Variants in STOX2 observed in about 807,000 individuals in gnomAD.
The protein encoded by STOX2 is storkhead-box protein 2.
STOX2 carries 28 observed loss-of-function variants against 60.9 expected under a neutral mutation model. The observed-to-expected ratio is 0.46, with a 90% CI of 0.34 to 0.63. The LOEUF (loss-of-function observed/expected upper bound fraction) is 0.63. Among genes scored for constraint, STOX2 ranks in the 30% least tolerant of loss-of-function variants. The pLI is 0.01. For synonymous variants in STOX2, 472 were observed against 463.9 expected (o/e 1.02, Z -0.22); for missense variants, 1,024 against 1,187.7 (o/e 0.86, Z 2.03).
In STOX2 at chr4:184,020,254, C is replaced by T. The variant is rs1734531496; in HGVS notation, c.*2970C>T. On this transcript the variant is annotated 3_prime_UTR_variant, in exon 4 of 4. Coordinates refer to ENST00000308497, the MANE Select transcript of STOX2 (RefSeq NM_020225.3). ...CATGACTTTCCATCGCCATGGCTTT[C>T]TCTTACGCCGCTGTTTGGCTTTCAG... The T allele has an allele frequency of 6.6e-6, 1 of 152,112 alleles. No individual in the cohort carries two copies. Among genetic ancestry groups the T allele is most frequent in the Non-Finnish European group, 1.5e-5 (1 of 68,028 alleles). The allele number at this position is 152,112 out of a possible 1,614,324, so 9.4% of individuals were successfully genotyped here. A position where few individuals can be genotyped will look rare whatever the true frequency, so the allele number is the denominator to read the frequency against.
intron 1 of STOX2, among the ~76,000 whole-genome samples, chr4:183,898,204 G>T (rs1021125983): frequency 6.6e-6 from 1 of 152,138 alleles, no homozygotes; most frequent in Non-Finnish European, 1.5e-5. Context: ...GGGCCTTCAG[G>T]AGATAGGAAG....
chr4:183,967,739 GT>G (rs1743620431), intron 1 of STOX2, among the ~76,000 whole-genome samples: 1 of 152,212 alleles, frequency 6.6e-6, no homozygotes, highest in Non-Finnish European at 1.5e-5. Context: ...ATAATCCTGT[GT>G]TGGATTAAAA....
At chr4:184,003,224 T>C (rs142716659) in intron 2 of STOX2, among the ~76,000 whole-genome samples, 2 of 152,346 alleles carry the variant, frequency 1.3e-5, no homozygotes, top group African/African-American at 4.8e-5. Context: ...TTTATTTTTA[T>C]ATAGCTTCAT....
chr4:183,896,893 G>A (rs1341275448), intron 1 of STOX2, among the ~76,000 whole-genome samples: 2 of 152,118 alleles, frequency 1.3e-5, no homozygotes, highest in African/African-American at 2.4e-5. Flanking sequence ...TTTGAATACA[G>A]CGATGTTAGT....
At position 183,806,829 on chromosome 4, in the gene STOX2, A is replaced by AGG. The variant is rs111575055; in HGVS notation, c.364+8776_364+8777dup. Among the ~76,000 whole-genome samples, 1,479 of 152,298 alleles carry AGG rather than the reference A, an allele frequency of 9.7e-3. 32 individuals carry two copies. Among genetic ancestry groups the AGG allele is most frequent in the African/African-American group, 0.034 (1,394 of 41,560 alleles). On this transcript the variant is annotated intron_variant, in intron 1 of 2. Transcript: ENST00000513034. The surrounding 1 kb of genome is among the most constrained non-coding windows in gnomAD (Gnocchi z 4.1). The stretch of plus-strand genomic sequence containing the variant: ...TTTATGTGTTCGTGTTCAGGACGGT[A>AGG]GGGCCCAGGACATGCCCTTGTAAGG...
chr4:183,866,610 T>A (rs1429445890), intron 1 of STOX2, among the ~76,000 whole-genome samples: 1 of 152,230 alleles, frequency 6.6e-6, no homozygotes, highest in Non-Finnish European at 1.5e-5. Flanking sequence ...CCGGCAATGA[T>A]GTGTTTGCAT....
At chr4:183,952,692 A>G (rs1165174409) in intron 1 of STOX2, among the ~76,000 whole-genome samples, 1 of 152,162 alleles carries the variant, frequency 6.6e-6, no homozygotes, top group African/African-American at 2.4e-5. Context: ...CCTCTTGAGT[A>G]AAAAAAGAGG....
chr4:183,995,210 G>A (rs1199089508), intron 1 of STOX2, among the ~76,000 whole-genome samples: 1 of 151,568 alleles, frequency 6.6e-6, no homozygotes, highest in Admixed American at 6.6e-5. Flanking sequence ...CGTGTGCACA[G>A]GCTGAGAAGT....
At chr4:183,950,812 AGGCT>A (rs1170278765) in intron 1 of STOX2, among the ~76,000 whole-genome samples, 1 of 152,172 alleles carries the variant, frequency 6.6e-6, no homozygotes, top group East Asian at 1.9e-4. Flanking sequence ...GTGGGAACGC[AGGCT>A]GGTAGGAGGG....
intron 1 of STOX2, among the ~76,000 whole-genome samples, chr4:183,887,787 A>G (rs2111179183): frequency 6.6e-6 from 1 of 152,358 alleles, no homozygotes; most frequent in Non-Finnish European, 1.5e-5. Context: ...TTTGTTGCCC[A>G]GGTTGGAGTG....
At chr4:183,977,752 G>C (rs1187112754) in intron 1 of STOX2, among the ~76,000 whole-genome samples, 1 of 152,120 alleles carries the variant, frequency 6.6e-6, no homozygotes, top group Non-Finnish European at 1.5e-5. Context: ...TTAGTTCTTT[G>C]AGAAATCACC....
At chr4:183,934,265 T>C (rs1742526282) in intron 1 of STOX2, among the ~76,000 whole-genome samples, 1 of 152,068 alleles carries the variant, frequency 6.6e-6, no homozygotes, top group Non-Finnish European at 1.5e-5. Flanking sequence ...GTCGTGCCAC[T>C]GCACTCCTGC....
intron 1 of STOX2, among the ~76,000 whole-genome samples, chr4:183,833,953 GCCTGGGCGA>G (rs1477604223): frequency 7.3e-6 from 1 of 136,722 alleles, no homozygotes; most frequent in Admixed American, 8.8e-5. Context: ...CTGCACTCCA[GCCTGGGCGA>G]CAGAGTGAGA....
At chr4:183,849,754 A>T (rs1740071391) in intron 1 of STOX2, among the ~76,000 whole-genome samples, 1 of 152,044 alleles carries the variant, frequency 6.6e-6, no homozygotes, top group Non-Finnish European at 1.5e-5. Context: ...GCGAAGGGAG[A>T]GGGCGTTGGG....
In STOX2 at chr4:183,882,354, T is replaced by A. The variant is rs2111173650; in HGVS notation, c.364+84299T>A. On this transcript the variant is annotated intron_variant, in intron 1 of 2. Coordinates refer to the STOX2 transcript ENST00000513034. ...TCCTGAGTGCTAGGTTCCCACTTTTTAAAGCAATTATAAAAGAAAAAACAG... is the reference window on the plus strand; with the variant it reads ...TCCTGAGTGCTAGGTTCCCACTTTTAAAAGCAATTATAAAAGAAAAAACAG... 1.3e-5 allele frequency among the ~76,000 whole-genome samples: 2 copies of A among 152,338 alleles called. 1 individual carries two copies. The highest frequency in any genetic ancestry group is 4.1e-4 in the South Asian group (2 of 4,828).
At chr4:183,989,784 G>C (rs1294218104) in intron 1 of STOX2, among the ~76,000 whole-genome samples, 2 of 152,070 alleles carry the variant, frequency 1.3e-5, no homozygotes, top group African/African-American at 4.8e-5. Flanking sequence ...ACAACGAAAT[G>C]GTAAATTTTG....
At chr4:183,993,917 C>T (rs372797869) in intron 1 of STOX2, among the ~76,000 whole-genome samples, 14 of 152,044 alleles carry the variant, frequency 9.2e-5, no homozygotes, top group African/African-American at 2.9e-4. Context: ...TTCAAGAGAG[C>T]GCATAGGAAA....
intron 1 of STOX2, among the ~76,000 whole-genome samples, chr4:183,857,232 A>G (rs1214624401): frequency 6.6e-6 from 1 of 150,498 alleles, no homozygotes; most frequent in South Asian, 2.1e-4. Flanking sequence ...TGGTTATCCC[A>G]CAGGACTGGT....
intron 1 of STOX2, among the ~76,000 whole-genome samples, chr4:183,940,318 T>G (rs567187851): frequency 6.6e-6 from 1 of 152,272 alleles, no homozygotes; most frequent in South Asian, 2.1e-4. Flanking sequence ...AAACACCTAG[T>G]TGTTCTGGTT....
Sources: gnomAD v4.1 joint callset for allele counts (sites outside exome capture counted in the v4.1 genomes callset) on GRCh38, gnomAD v4.1.1 for gene constraint, Gnocchi (gnomAD v3.1) non-coding constraint, MANE v1.5 for transcripts, NCBI Gene and HGNC (gene_info 2026-07-23, HGNC 2026-07-21) for gene names.